CTNNA2: variants seen among roughly 807,000 people sequenced by gnomAD.
The protein encoded by CTNNA2 is catenin alpha 2.
A neutral mutation model predicts 101.0 loss-of-function variants in CTNNA2; 42 were observed. That is an observed-to-expected ratio of 0.42 (90% confidence interval 0.32 to 0.54). The LOEUF (loss-of-function observed/expected upper bound fraction) is 0.54. CTNNA2 is among the 20% of genes least tolerant of loss of function. The pLI, the probability that CTNNA2 is intolerant of heterozygous loss-of-function variation, is 0.14. For synonymous variants in CTNNA2, 450 were observed against 456.4 expected (o/e 0.99, Z 0.18); for missense variants, 871 against 1,223.1 (o/e 0.71, Z 4.29).
chr2:79,866,316 T>A (rs995583276), intron 4 of CTNNA2, among the ~76,000 whole-genome samples: 3 of 152,190 alleles, frequency 2.0e-5, no homozygotes, highest in African/African-American at 7.2e-5. Flanking sequence ...TGGTTATAAA[T>A]ATTAAGGACA....
chr2:80,543,075 A>G (rs1691720467), intron 9 of CTNNA2, among the ~76,000 whole-genome samples: 1 of 152,218 alleles, frequency 6.6e-6, no homozygotes, highest in Non-Finnish European at 1.5e-5. Context: ...ATTCCAAATT[A>G]CTGTCTACAA....
At chr2:79,415,730 G>C (rs1303246699) in intron 4 of CTNNA2, among the ~76,000 whole-genome samples, 3 of 152,030 alleles carry the variant, frequency 2.0e-5, no homozygotes, top group Non-Finnish European at 4.4e-5. Context: ...GTATCTGGAA[G>C]CAAAACTGTG....
chr2:79,516,042 C>T (rs1388403845), intron 1 of CTNNA2, among the ~76,000 whole-genome samples: 2 of 152,150 alleles, frequency 1.3e-5, no homozygotes, highest in Non-Finnish European at 2.9e-5. Context: ...GCATGAGGTC[C>T]TATTTCACAG....
intron 2 of CTNNA2, among the ~76,000 whole-genome samples, chr2:79,670,774 C>T (rs910802663): frequency 6.6e-6 from 1 of 152,092 alleles, no homozygotes; most frequent in Non-Finnish European, 1.5e-5. Flanking sequence ...AACGCTTTTG[C>T]TCTGGATCAC....
chr2:79,994,051 G>T (rs1692365830), intron 7 of CTNNA2, among the ~76,000 whole-genome samples: 1 of 152,046 alleles, frequency 6.6e-6, no homozygotes, highest in African/African-American at 2.4e-5. Flanking sequence ...GAGACCAGAG[G>T]TGTGCACCAC....
intron 2 of CTNNA2, among the ~76,000 whole-genome samples, chr2:79,240,215 CT>C (rs112101652): frequency 0.088 from 12,563 of 142,342 alleles, 701 homozygotes; most frequent in East Asian, 0.19. Context: ...GCACAGTTTT[CT>C]TTTTTTTTTT....
chr2:80,214,345 T>A (rs1487302177), intron 7 of CTNNA2, among the ~76,000 whole-genome samples: 2 of 152,198 alleles, frequency 1.3e-5, no homozygotes, highest in African/African-American at 4.8e-5. Context: ...TTGCAGTGGC[T>A]GGTACCAGTT....
chr2:80,395,163 G>A (rs940331887), intron 8 of CTNNA2, among the ~76,000 whole-genome samples: 8 of 152,152 alleles, frequency 5.3e-5, no homozygotes, highest in African/African-American at 1.7e-4. Context: ...AAATTATGGT[G>A]GAATTTTAAA....
intron 3 of CTNNA2, among the ~76,000 whole-genome samples, chr2:79,805,329 G>A (rs1318684441): frequency 3.3e-5 from 5 of 152,216 alleles, no homozygotes; most frequent in Non-Finnish European, 4.4e-5. Flanking sequence ...AAATGTCTTC[G>A]TTTCATCTGC....
intron 8 of CTNNA2, among the ~76,000 whole-genome samples, chr2:80,409,449 G>A (rs367730361): frequency 1.3e-5 from 2 of 152,278 alleles, no homozygotes; most frequent in Middle Eastern, 3.4e-3. Flanking sequence ...CATGTGTGAG[G>A]TCGTGTTGAT....
At chr2:79,461,214 C>T (rs1334169630) in intron 4 of CTNNA2, among the ~76,000 whole-genome samples, 2 of 152,182 alleles carry the variant, frequency 1.3e-5, no homozygotes, top group Admixed American at 1.3e-4. Context: ...AAATTATCTT[C>T]AGAGTTACTT....
At chr2:79,830,535 T>C (rs1558561193) in intron 3 of CTNNA2, among the ~76,000 whole-genome samples, 1 of 152,202 alleles carries the variant, frequency 6.6e-6, no homozygotes, top group South Asian at 2.1e-4. Context: ...TACTTCACAG[T>C]GTTGCCCAGG....
intron 2 of CTNNA2, among the ~76,000 whole-genome samples, chr2:79,683,391 C>T (rs1307528237): frequency 3.9e-5 from 6 of 152,140 alleles, no homozygotes; most frequent in Non-Finnish European, 8.8e-5. Flanking sequence ...TTTTCTGCCT[C>T]AATTTCCCTG....
At chr2:79,845,737 G>A (rs1048413472) in intron 3 of CTNNA2, among the ~76,000 whole-genome samples, 4 of 152,012 alleles carry the variant, frequency 2.6e-5, no homozygotes, top group African/African-American at 9.7e-5. Flanking sequence ...TTGGATTTAG[G>A]GTTTTTAGTT....
chr2:80,606,152 G>A (rs999310400), intron 16 of CTNNA2, among the ~76,000 whole-genome samples: 6 of 151,812 alleles, frequency 4.0e-5, no homozygotes, highest in African/African-American at 9.7e-5. Context: ...TGTTAGGAAG[G>A]ACTTCTTGGG....
intron 9 of CTNNA2, among the ~76,000 whole-genome samples, chr2:80,510,522 A>G (rs1688624760): frequency 6.6e-6 from 1 of 152,204 alleles, no homozygotes; most frequent in Non-Finnish European, 1.5e-5. Context: ...AACAATCACC[A>G]TAGCTTCACC....
intron 7 of CTNNA2, among the ~76,000 whole-genome samples, chr2:80,237,463 A>G (rs1558930660): frequency 6.6e-6 from 1 of 152,138 alleles, no homozygotes; most frequent in Non-Finnish European, 1.5e-5. Context: ...GCATCTATAC[A>G]TAGGTGTAAG....
chr2:80,185,265 G>T (rs1463049157), intron 7 of CTNNA2, among the ~76,000 whole-genome samples: 1 of 152,316 alleles, frequency 6.6e-6, no homozygotes, highest in South Asian at 2.1e-4. Flanking sequence ...TGCTCTGTAG[G>T]TCAGCTCGCA....
At chr2:80,514,040 T>C (rs1234380342) in intron 9 of CTNNA2, among the ~76,000 whole-genome samples, 1 of 152,230 alleles carries the variant, frequency 6.6e-6, no homozygotes, top group African/African-American at 2.4e-5. Context: ...TTTTTATTTA[T>C]TTTGTTGATT....
Sources: allele counts gnomAD v4.1 joint callset (sites outside exome capture counted in the v4.1 genomes callset), GRCh38; gene constraint gnomAD v4.1.1; transcripts MANE v1.5; gene names NCBI Gene and HGNC (gene_info 2026-07-23, HGNC 2026-07-21).